The following DCAF6 variants were observed in gnomAD, a reference collection of about 807,000 sequenced individuals.
DCAF6 encodes the protein DDB1- and CUL4-associated factor 6.
In DCAF6, 54 loss-of-function variants were observed where a neutral mutation model predicts 125.1. That is an observed-to-expected ratio of 0.43 (90% CI 0.35 to 0.54). The LOEUF (loss-of-function observed/expected upper bound fraction) is 0.54, where lower values mean the gene tolerates loss of function less well. Among genes scored for constraint, DCAF6 ranks in the 20% least tolerant of loss-of-function variants. The probability of loss-of-function intolerance (pLI) is 0.01; values close to 1 mark genes in which losing one functional copy is unlikely to be tolerated. For synonymous variants in DCAF6, 371 were observed against 390.4 expected (o/e 0.95, Z 0.58); for missense variants, 934 against 1,161.7 (o/e 0.80, Z 2.85).
At chr1:168,064,867 TTA>T (rs1692125538) in intron 18 of DCAF6, among the ~76,000 whole-genome samples, 1 of 152,214 alleles carries the variant, frequency 6.6e-6, no homozygotes, top group Non-Finnish European at 1.5e-5. Flanking sequence ...AAAAATGTCA[TTA>T]TAACTATTCC....
chr1:168,049,985 A>G (rs1024339987), intron 16 of DCAF6, among the ~76,000 whole-genome samples: 10 of 149,812 alleles, frequency 6.7e-5, no homozygotes, highest in African/African-American at 2.5e-4. Context: ...TTACAATGCC[A>G]AATCTGTTGT....
At chr1:167,998,125 A>G (rs1682026584) in intron 7 of DCAF6, among the ~76,000 whole-genome samples, 1 of 152,180 alleles carries the variant, frequency 6.6e-6, no homozygotes, top group Non-Finnish European at 1.5e-5. Context: ...GTTCTAGACC[A>G]TTGCAATAAA....
intron 12 of DCAF6, among the ~76,000 whole-genome samples, chr1:168,037,168 G>A (rs1202650955): frequency 6.7e-6 from 1 of 148,822 alleles, no homozygotes; most frequent in Non-Finnish European, 1.5e-5. Context: ...GGGCTTAAGG[G>A]TTCCTCCCAC....
intron 12 of DCAF6, chr1:168,023,609 A>G (rs956030174): frequency 3.2e-5 from 5 of 156,550 alleles, no homozygotes; most frequent in Admixed American, 3.0e-4. Flanking sequence ...AAGGTATAGA[A>G]TCAATCTCCA....
At chr1:167,981,327 A>G (rs1413151895) in intron 4 of DCAF6, among the ~76,000 whole-genome samples, 1 of 152,174 alleles carries the variant, frequency 6.6e-6, no homozygotes, top group Admixed American at 6.5e-5. Flanking sequence ...TTGCATGTAG[A>G]TAACCAGTTT....
intron 1 of DCAF6, among the ~76,000 whole-genome samples, chr1:167,939,952 G>A (rs1456858327): frequency 2.6e-5 from 4 of 152,028 alleles, no homozygotes; most frequent in African/African-American, 4.8e-5. Context: ...TTCATTATTT[G>A]TATTTCTACA....
chr1:167,982,974 G>T (rs1571794440), intron 4 of DCAF6, among the ~76,000 whole-genome samples: 1 of 152,046 alleles, frequency 6.6e-6, no homozygotes, highest in African/African-American at 2.4e-5. Context: ...ATGACTGTAG[G>T]TGTGTGGCTT....
chr1:167,921,015 C>T, the DCAF6 span, among the ~76,000 whole-genome samples: 1 of 152,094 alleles, frequency 6.6e-6, no homozygotes, highest in Non-Finnish European at 1.5e-5. Flanking sequence ...TGGAAGATAC[C>T]TAAAAGCTGT....
At chr1:168,073,184 A>C (rs1445339872) in intron 21 of DCAF6, among the ~76,000 whole-genome samples, 1 of 152,212 alleles carries the variant, frequency 6.6e-6, no homozygotes, top group Non-Finnish European at 1.5e-5. Context: ...TCAAAAAAAA[A>C]AGAAGAAAAA....
At chr1:167,876,065 T>G in the DCAF6 span, among the ~76,000 whole-genome samples, 1 of 152,252 alleles carries the variant, frequency 6.6e-6, no homozygotes, top group African/African-American at 2.4e-5. Flanking sequence ...GAGACCAGCC[T>G]GACCAACATG....
chr1:168,023,293 A>C, intron 12 of DCAF6: 1 of 553,598 alleles, frequency 1.8e-6, no homozygotes, highest in Non-Finnish European at 3.2e-6. Context: ...CTCTCCCTAT[A>C]ACAAAATTAT....
upstream of DCAF6, chr1:167,936,145 T>C (rs1044731715): frequency 5.2e-5 from 18 of 348,684 alleles, no homozygotes; most frequent in Admixed American, 6.2e-4. Flanking sequence ...AAGTCTGCGC[T>C]GCGCCCTGCT....
At chr1:167,943,875 G>T (rs576989123) in intron 1 of DCAF6, among the ~76,000 whole-genome samples, 1 of 151,910 alleles carries the variant, frequency 6.6e-6, no homozygotes, top group Non-Finnish European at 1.5e-5. Context: ...GTCTCACTCT[G>T]TCGCCCAGGC....
chr1:167,866,865 A>G, the DCAF6 span, among the ~76,000 whole-genome samples: 1 of 152,064 alleles, frequency 6.6e-6, no homozygotes, highest in Admixed American at 6.5e-5. Flanking sequence ...AAACAACTAG[A>G]TGGGGTTTCC....
intron 1 of DCAF6, among the ~76,000 whole-genome samples, chr1:167,949,432 A>G (rs1468369140): frequency 6.6e-6 from 1 of 152,182 alleles, no homozygotes; most frequent in Non-Finnish European, 1.5e-5. Context: ...GCCAAGGACA[A>G]ATTTGTTGTT....
At chr1:167,926,698 G>C in the DCAF6 span, among the ~76,000 whole-genome samples, 2 of 152,184 alleles carry the variant, frequency 1.3e-5, no homozygotes, top group African/African-American at 4.8e-5. Context: ...CCAATGCGCA[G>C]GACAGCCGCT....
chr1:167,920,139 A>G, the DCAF6 span: 1 of 1,149,642 alleles, frequency 8.7e-7, no homozygotes, highest in Non-Finnish European at 1.3e-6. Flanking sequence ...TGCTTCAATA[A>G]CTTCAGTGAA....
the DCAF6 span, among the ~76,000 whole-genome samples, chr1:167,890,160 G>T: frequency 6.6e-6 from 1 of 151,988 alleles, no homozygotes; most frequent in Non-Finnish European, 1.5e-5. Context: ...GGTATTTATT[G>T]TAGTCTTTGA....
intron 11 of DCAF6, chr1:168,019,677 G>C (rs944284331): frequency 4.7e-6 from 1 of 210,554 alleles, no homozygotes; most frequent in African/African-American, 2.3e-5. Context: ...GGTAGGAACT[G>C]TTTTTTCACT....
Sources: gnomAD v4.1 joint callset for allele counts (sites outside exome capture counted in the v4.1 genomes callset) on GRCh38, gnomAD v4.1.1 for gene constraint, MANE v1.5 for transcripts, NCBI Gene and HGNC (gene_info 2026-07-23, HGNC 2026-07-21) for gene names.